Variants in SYNE1 observed in about 807,000 individuals in gnomAD.
SYNE1 encodes nesprin-1.
In SYNE1, 616 loss-of-function variants were observed where a neutral mutation model predicts 1,111.0. The ratio of observed to expected loss-of-function variants is 0.55; its 90% CI spans 0.52 to 0.59. SYNE1 has a LOEUF of 0.59. Among genes scored for constraint, SYNE1 ranks in the 20% least tolerant of loss-of-function variants. The pLI is 0.00. For synonymous variants in SYNE1, 3,855 were observed against 3,825.8 expected (o/e 1.01, Z -0.28); for missense variants, 10,006 against 10,417.0 (o/e 0.96, Z 1.72).
chr6:152,580,866 G>A lies in SYNE1; in HGVS notation c.68-40845C>T, dbSNP rs763710327. Among the ~76,000 whole-genome samples, 61 of 152,138 alleles carry A rather than the reference G, an allele frequency of 4.0e-4. 1 individual carries two copies. Among genetic ancestry groups the A allele is most frequent in the Admixed American group, 2.0e-4 (3 of 15,284 alleles). On this transcript the variant is annotated intron_variant, in intron 3 of 145. Coordinates refer to ENST00000367255, the MANE Select transcript of SYNE1 (RefSeq NM_182961.4). Reference sequence around the variant, plus strand: ...AAAAGTGATTGTTTTTTGCTACTGAGTTTTCTAATTTGTTACAGAGCCACA... The same window carrying A: ...AAAAGTGATTGTTTTTTGCTACTGAATTTTCTAATTTGTTACAGAGCCACA...
At chr6:152,154,864 G>T in intron 133 of SYNE1, 28 bp downstream of exon 133, 1 of 1,613,370 alleles carries the variant, frequency 6.2e-7, no homozygotes, top group Non-Finnish European at 8.5e-7. Flanking sequence ...AGCAAAATAA[G>T]GATTAAAAAT....
At chr6:152,211,638 G>A (rs777663739) in intron 123 of SYNE1, 50 bp from the exon 124 acceptor site, 2 of 1,485,410 alleles carry the variant, frequency 1.3e-6, no homozygotes, top group Admixed American at 1.7e-5. Context: ...TAATTTTAGT[G>A]ATCGGTTCTC....
intron 3 of SYNE1, among the ~76,000 whole-genome samples, chr6:152,598,932 T>C (rs1358950): frequency 0.73 from 110,462 of 152,102 alleles, 40,355 homozygotes; most frequent in Middle Eastern, 0.76. Flanking sequence ...GAGAGAAGCC[T>C]AATAATAACA....
intron 115 of SYNE1, among the ~76,000 whole-genome samples, chr6:152,230,080 T>C (rs1172300589): frequency 2.0e-5 from 3 of 152,204 alleles, no homozygotes; most frequent in Non-Finnish European, 4.4e-5. Flanking sequence ...TCACCCAGGC[T>C]GAAGTGCCAT....
chr6:152,468,415 TG>T (rs1333365662), intron 16 of SYNE1, among the ~76,000 whole-genome samples: 1 of 152,136 alleles, frequency 6.6e-6, no homozygotes, highest in African/African-American at 2.4e-5. Flanking sequence ...CATGGTGAAA[TG>T]GAAGCACATG....
chr6:152,274,826 C>T (rs1453950649), intron 98 of SYNE1, among the ~76,000 whole-genome samples: 1 of 152,070 alleles, frequency 6.6e-6, no homozygotes, highest in Non-Finnish European at 1.5e-5. Context: ...GAACTCCTGA[C>T]CTCAGGTGAT....
At chr6:152,214,767 G>T (rs758263603) in intron 122 of SYNE1, 139 bp downstream of exon 122, 35 of 1,179,998 alleles carry the variant, frequency 3.0e-5, no homozygotes, top group Non-Finnish European at 4.3e-5. Context: ...CTTGACTGCG[G>T]ACTTCCCAGT....
rs1302181948 is a variant in SYNE1, at chr6:152,206,157, A to G, written c.23019+11T>C. The G allele has an allele frequency of 2.5e-6, 4 of 1,612,992 alleles. No individual in the cohort carries two copies. The highest frequency in any genetic ancestry group is 3.4e-6 in the Non-Finnish European group (4 of 1,179,946). On this transcript the variant is annotated intron_variant, in intron 126 of 145. Transcript: ENST00000367255. ...GGGTTTTTTGGTTCGTTTTTTTCTAACTGAACTTACTTTCAACAAGAAGGC... is the reference window on the plus strand; with the variant it reads ...GGGTTTTTTGGTTCGTTTTTTTCTAGCTGAACTTACTTTCAACAAGAAGGC...
At chr6:152,433,276 G>A (rs1348856099) in intron 34 of SYNE1, among the ~76,000 whole-genome samples, 4 of 152,100 alleles carry the variant, frequency 2.6e-5, no homozygotes, top group Non-Finnish European at 4.4e-5. Context: ...GAGAGGTAAG[G>A]AATCAGAGGA....
Position 152,628,361 on chromosome 6 carries a change from A to G in SYNE1, c.-30T>C, listed in dbSNP as rs2099690435. Reference sequence around the variant, plus strand: ...CCTCCGGAAGCACGAAGCCAACACCAAGAGACTCTTCACTGGAGGCAGCAC... The same window carrying G: ...CCTCCGGAAGCACGAAGCCAACACCGAGAGACTCTTCACTGGAGGCAGCAC... On this transcript the variant is annotated 5_prime_UTR_variant, in exon 3 of 146. Coordinates refer to ENST00000367255, the MANE Select transcript of SYNE1 (RefSeq NM_182961.4). 5 of 1,611,528 alleles carry G rather than the reference A, an allele frequency of 3.1e-6. No homozygotes were observed. In the South Asian group the frequency reaches 5.5e-5, roughly 18 times the overall value.
At chr6:152,465,642 T>A (rs1227128141) in intron 17 of SYNE1, among the ~76,000 whole-genome samples, 182 bp from the exon 18 acceptor site, 1 of 152,110 alleles carries the variant, frequency 6.6e-6, no homozygotes, top group African/African-American at 2.4e-5. Context: ...AATTGTGTCT[T>A]TACACTAATT....
chr6:152,200,341 A>G (rs1164763426), intron 127 of SYNE1, among the ~76,000 whole-genome samples: 6 of 152,236 alleles, frequency 3.9e-5, no homozygotes, highest in Non-Finnish European at 7.3e-5. Flanking sequence ...GATAACACCA[A>G]TATAGTCACA....
intron 131 of SYNE1, among the ~76,000 whole-genome samples, chr6:152,158,983 C>T (rs1363487587): frequency 2.0e-5 from 3 of 152,168 alleles, no homozygotes; most frequent in Non-Finnish European, 2.9e-5. Flanking sequence ...GACGGAGTCT[C>T]GCTCTGTCTG....
In SYNE1 at chr6:152,442,134, G is replaced by C. The variant is rs1554709399; in HGVS notation, c.3949C>G (p.Leu1317Val). 1 of 1,613,856 alleles carries C rather than the reference G, an allele frequency of 6.2e-7. No homozygotes were observed. The highest frequency in any genetic ancestry group is 1.3e-5 in the African/African-American group (1 of 74,928). Residue 1317 changes from leucine to valine, a missense_variant, in exon 31 of 146, where the codon CTG becomes GTG. Coordinates refer to ENST00000367255, the MANE Select transcript of SYNE1 (RefSeq NM_182961.4). ...PDRGHEELRK[L>V]ESTLDGLERS... ...TCCAGGCCATCCAGTGTGCTCTCCA[G>C]CTTCCGCAGCTCCTCGTGGCCTCGG...
chr6:152,607,932 A>T (rs936491698), intron 3 of SYNE1, among the ~76,000 whole-genome samples: 1 of 152,136 alleles, frequency 6.6e-6, no homozygotes, highest in African/African-American at 2.4e-5. Context: ...CTAACACAGG[A>T]ACAGAAAACC....
rs775022743 is a variant in SYNE1 at position 152,231,577 on chromosome 6, A to C, written c.20863-10T>G. 1 of 1,613,606 alleles carries C rather than the reference A, an allele frequency of 6.2e-7. No homozygotes were observed. Among genetic ancestry groups the C allele is most frequent in the Admixed American group, 1.7e-5 (1 of 59,982 alleles). The stretch of plus-strand genomic sequence containing the variant: ...TGTCTATCTTAAAACCCTAAAAAAA[A>C]AGAGGAGAAAATAAGATTATACAAT... On this transcript the variant is annotated splice_polypyrimidine_tract_variant and intron_variant, in intron 113 of 145. Coordinates refer to ENST00000367255, the MANE Select transcript of SYNE1 (RefSeq NM_182961.4).
In SYNE1 at chr6:152,451,468, A is replaced by ATTTTTT. The variant is rs145882121; in HGVS notation, c.3028-269_3028-264dup. Reference sequence around the variant, plus strand: ...AATTTTCACAGTAGCCCTGCACCGTATTTTTTTTTTTTTTTTTTTTTTTTT... The same window carrying ATTTTTT: ...AATTTTCACAGTAGCCCTGCACCGTATTTTTTTTTTTTTTTTTTTTTTTTTTTTTTT... On this transcript the variant is annotated intron_variant, in intron 25 of 145. Coordinates refer to ENST00000367255, the MANE Select transcript of SYNE1 (RefSeq NM_182961.4). Among the ~76,000 whole-genome samples, 17 of 49,826 alleles carry ATTTTTT rather than the reference A, an allele frequency of 3.4e-4. 3 individuals are homozygous for ATTTTTT. The highest frequency in any genetic ancestry group is 1.2e-3 in the African/African-American group (14 of 11,946). 32.7% of individuals were successfully genotyped at this position (49,826 alleles called of 152,430 possible). A position where few individuals can be genotyped will look rare whatever the true frequency, so the allele number is the denominator to read the frequency against.
At position 152,458,930 on chromosome 6, in the gene SYNE1, C is replaced by T. The variant is rs199670962; in HGVS notation, c.2395G>A (p.Val799Ile). The T allele has an allele frequency of 7.6e-4, 1,221 of 1,613,768 alleles. 20 individuals are homozygous for T. In the South Asian group the frequency reaches 0.012, roughly 16 times the overall value. ...MSKLKEQLTKVKECYSPLLYE... is the reference protein window; with the variant it reads ...MSKLKEQLTKIKECYSPLLYE... ...AGGAGTGGGGAGTAACATTCTTTGA[C>T]CTTTAAAAACATAAAGACAAAAATT... The change falls in exon 22 of 146, where the codon GTC (valine) becomes ATC (isoleucine). Residue 799 changes from valine (V) to isoleucine (I), a missense_variant and splice_region_variant. By Grantham distance (29) the Val-to-Ile change is conservative. Transcript: ENST00000367255.
intron 4 of SYNE1, among the ~76,000 whole-genome samples, chr6:152,536,304 C>T (rs1380069243): frequency 1.4e-5 from 2 of 144,446 alleles, no homozygotes; most frequent in East Asian, 4.0e-4. Context: ...TTACCAAATC[C>T]AATGTTCTGC....
Sources: allele counts gnomAD v4.1 joint callset (sites outside exome capture counted in the v4.1 genomes callset), GRCh38; gene constraint gnomAD v4.1.1; transcripts MANE v1.5; gene names NCBI Gene and HGNC (gene_info 2026-07-23, HGNC 2026-07-21).